The following XKR6 variants were observed in gnomAD, a reference collection of about 807,000 sequenced individuals.
The protein encoded by XKR6 is XK related 6, also known as XK-related protein 6.
XKR6 carries 22 observed loss-of-function variants against 56.7 expected under a neutral mutation model. The ratio of observed to expected loss-of-function variants is 0.39; its 90% CI spans 0.28 to 0.55. The LOEUF (loss-of-function observed/expected upper bound fraction) is 0.55. Ranked by LOEUF, XKR6 falls within the 20% of genes least tolerant of loss-of-function variation. The pLI, the probability that XKR6 is intolerant of heterozygous loss-of-function variation, is 0.66. For synonymous variants in XKR6, 524 were observed against 387.8 expected (o/e 1.35, Z -4.13); for missense variants, 852 against 889.0 (o/e 0.96, Z 0.53).
intron 1 of XKR6, among the ~76,000 whole-genome samples, chr8:11,009,718 C>T (rs1798457860): frequency 6.6e-6 from 1 of 152,106 alleles, no homozygotes; most frequent in Admixed American, 6.5e-5. Flanking sequence ...TGATGGCATC[C>T]TGGAAGGTGT....
intron 1 of XKR6, among the ~76,000 whole-genome samples, chr8:11,127,569 G>A (rs961889256): frequency 2.6e-5 from 4 of 152,182 alleles, no homozygotes; most frequent in African/African-American, 7.2e-5. Context: ...ATTGGCTTGT[G>A]GCCCCTTCCT....
chr8:11,089,688 T>C (rs1798002835), intron 1 of XKR6, among the ~76,000 whole-genome samples: 1 of 152,154 alleles, frequency 6.6e-6, no homozygotes, highest in South Asian at 2.1e-4. Context: ...AAGGTAATAA[T>C]ATTACAAGGA....
At chr8:11,036,835 C>T (rs758822201) in intron 1 of XKR6, among the ~76,000 whole-genome samples, 15 of 152,202 alleles carry the variant, frequency 9.9e-5, no homozygotes, top group Admixed American at 2.6e-4. Context: ...CTTTCATGTC[C>T]GAACTCCCTG....
intron 1 of XKR6, among the ~76,000 whole-genome samples, chr8:10,968,729 A>G (rs1802307875): frequency 1.3e-5 from 2 of 152,244 alleles, no homozygotes; most frequent in South Asian, 2.1e-4. Flanking sequence ...GGTGGAGTAT[A>G]AGGAAAAGAA....
At chr8:11,124,099 T>C (rs1486431107) in intron 1 of XKR6, 2 of 430,592 alleles carry the variant, frequency 4.6e-6, no homozygotes, top group African/African-American at 4.1e-5. Flanking sequence ...ACATACTATA[T>C]TTTTACTTAT....
At chr8:10,954,295 C>T (rs534663777) in intron 1 of XKR6, among the ~76,000 whole-genome samples, 63 of 152,288 alleles carry the variant, frequency 4.1e-4, no homozygotes, top group African/African-American at 1.3e-3. Flanking sequence ...ATGCAATGAG[C>T]GTTCCAATTT....
chr8:11,195,325 T>A (rs1351060788), intron 1 of XKR6: 1 of 598,896 alleles, frequency 1.7e-6, no homozygotes, highest in Non-Finnish European at 3.0e-6. Flanking sequence ...AGGTAGAGAT[T>A]CATTTTTTTT....
intron 1 of XKR6, among the ~76,000 whole-genome samples, chr8:10,971,924 A>T (rs1479210828): frequency 6.6e-6 from 1 of 152,170 alleles, no homozygotes; most frequent in Non-Finnish European, 1.5e-5. Context: ...CTTGGGGTCA[A>T]ATTTATTGTT....
At chr8:10,995,233 G>A (rs938883982) in intron 1 of XKR6, among the ~76,000 whole-genome samples, 10 of 151,860 alleles carry the variant, frequency 6.6e-5, no homozygotes, top group Non-Finnish European at 1.3e-4. Flanking sequence ...TTGGGGTGTC[G>A]GCTGGGCATG....
intron 1 of XKR6, among the ~76,000 whole-genome samples, chr8:10,961,167 AT>A (rs1563313706): frequency 6.6e-6 from 1 of 152,240 alleles, no homozygotes; most frequent in South Asian, 2.1e-4. Context: ...AAGAAGTTGC[AT>A]TTTTTTCTAA....
intron 1 of XKR6, among the ~76,000 whole-genome samples, chr8:11,099,322 C>T (rs1272611950): frequency 6.6e-6 from 1 of 152,216 alleles, no homozygotes; most frequent in Non-Finnish European, 1.5e-5. Context: ...TTGCTGCTGC[C>T]CAATAAATAC....
intron 1 of XKR6, among the ~76,000 whole-genome samples, chr8:11,143,206 G>C (rs1473767677): frequency 3.3e-5 from 5 of 152,132 alleles, no homozygotes; most frequent in African/African-American, 1.2e-4. Context: ...GAAAGAAAGA[G>C]TGAAAACCAG....
intron 1 of XKR6, among the ~76,000 whole-genome samples, chr8:11,040,398 G>A (rs988599732): frequency 6.6e-6 from 1 of 151,656 alleles, no homozygotes; most frequent in East Asian, 1.9e-4. Context: ...CAAACAGGGT[G>A]GCACCCACCT....
chr8:11,167,785 A>G (rs375567708), intron 1 of XKR6, among the ~76,000 whole-genome samples: 44 of 151,276 alleles, frequency 2.9e-4, no homozygotes, highest in Admixed American at 1.3e-3. Flanking sequence ...TTGTTTGTTT[A>G]TTTGTTTTAG....
intron 1 of XKR6, chr8:11,195,066 C>G (rs1406108075): frequency 4.3e-6 from 3 of 694,408 alleles, no homozygotes; most frequent in Non-Finnish European, 7.9e-6. Context: ...GAGGAAGTAT[C>G]TCTGTCTCAA....
At chr8:11,087,844 G>A (rs1419293372) in intron 1 of XKR6, among the ~76,000 whole-genome samples, 3 of 152,226 alleles carry the variant, frequency 2.0e-5, no homozygotes, top group Non-Finnish European at 4.4e-5. Flanking sequence ...AGAAATGCTC[G>A]AGGAGAAGGA....
At chr8:10,923,592 C>A (rs1342493250) in intron 2 of XKR6, among the ~76,000 whole-genome samples, 2 of 152,182 alleles carry the variant, frequency 1.3e-5, no homozygotes, top group African/African-American at 2.4e-5. Context: ...CTACAGAGGG[C>A]CAGCTTGGAA....
chr8:11,075,345 C>A (rs1398696017), intron 1 of XKR6, among the ~76,000 whole-genome samples: 2 of 152,164 alleles, frequency 1.3e-5, no homozygotes, highest in African/African-American at 4.8e-5. Context: ...CCAAGTCAGT[C>A]TCTCTTCTGC....
intron 1 of XKR6, among the ~76,000 whole-genome samples, chr8:11,126,786 T>C (rs1799820458): frequency 6.6e-6 from 1 of 152,052 alleles, no homozygotes; most frequent in Non-Finnish European, 1.5e-5. Context: ...AATTATAACC[T>C]CAGAGACCAG....
Sources: allele counts gnomAD v4.1 joint callset (sites outside exome capture counted in the v4.1 genomes callset), GRCh38; gene constraint gnomAD v4.1.1; transcripts MANE v1.5; gene names NCBI Gene and HGNC (gene_info 2026-07-23, HGNC 2026-07-21).